RNF144A: variants seen among roughly 807,000 people sequenced by gnomAD.
RNF144A encodes the protein E3 ubiquitin-protein ligase RNF144A.
RNF144A carries 11 observed loss-of-function variants against 38.7 expected under a neutral mutation model. The ratio of observed to expected loss-of-function variants is 0.28; its 90% CI spans 0.18 to 0.47. RNF144A has a LOEUF of 0.47. Ranked by LOEUF, RNF144A falls within the 20% of genes least tolerant of loss-of-function variation. The probability of loss-of-function intolerance (pLI) is 0.99; values close to 1 mark genes in which losing one functional copy is unlikely to be tolerated. For synonymous variants in RNF144A, 149 were observed against 143.9 expected, an observed-to-expected ratio of 1.04 and a Z score of -0.25; for missense variants, 316 against 377.2, an observed-to-expected ratio of 0.84 and a Z score of 1.34.
At chr2:7,068,103 T>C in intron 6 of RNF144A, 1 of 499,964 alleles carries the variant, frequency 2.0e-6, no homozygotes. Flanking sequence ...CTCTTCCCTG[T>C]TGCAAAATCC....
chr2:6,984,307 T>C (rs535928443), intron 2 of RNF144A, among the ~76,000 whole-genome samples: 1 of 145,224 alleles, frequency 6.9e-6, no homozygotes, highest in East Asian at 2.0e-4. Context: ...TTTTCTTTTC[T>C]TTTTTTTTTT....
In RNF144A at chr2:7,041,848, G is replaced by T. The variant is rs930549113; in HGVS notation, c.*2088G>T. ...GAGAGTCAGAGCCTTTGGAAAGGCT[G>T]CATCCCCAGGGCTAGAGCTCAGATG... is the stretch of plus-strand genomic sequence containing the variant. On this transcript the variant is annotated 3_prime_UTR_variant, in exon 9 of 9. Coordinates refer to ENST00000320892, the MANE Select transcript of RNF144A (RefSeq NM_014746.6). 3.0e-6 allele frequency: 3 copies of T among 985,360 alleles called. No homozygotes were observed. The highest frequency in any genetic ancestry group is 1.7e-5 in the African/African-American group (1 of 57,250). The allele number at this position is 985,360 out of a possible 1,614,324, so 61.0% of individuals were successfully genotyped here.
At chr2:7,063,936 C>T (rs1674081805) in intron 6 of RNF144A, among the ~76,000 whole-genome samples, 1 of 152,026 alleles carries the variant, frequency 6.6e-6, no homozygotes, top group Non-Finnish European at 1.5e-5. Context: ...GCTTATGGTT[C>T]CGGGGGCTGG....
intron 6 of RNF144A, among the ~76,000 whole-genome samples, chr2:7,064,448 G>T (rs57420744): frequency 2.0e-5 from 3 of 152,104 alleles, no homozygotes; most frequent in African/African-American, 4.8e-5. Flanking sequence ...TGGAGTGAGG[G>T]GGCTTCAGGA....
intron 2 of RNF144A, among the ~76,000 whole-genome samples, chr2:6,982,283 C>T (rs555626815): frequency 2.0e-5 from 3 of 152,300 alleles, no homozygotes; most frequent in African/African-American, 7.2e-5. Flanking sequence ...TTGCAATGTG[C>T]TGTGTGTCAT....
intron 2 of RNF144A, among the ~76,000 whole-genome samples, chr2:6,969,338 G>A (rs974734988): frequency 2.7e-4 from 41 of 152,190 alleles, no homozygotes; most frequent in African/African-American, 9.4e-4. Flanking sequence ...ACTGGTGTCC[G>A]TATAAGAAGG....
At position 7,020,507 on chromosome 2, in the gene RNF144A, G is replaced by A. The variant is rs755909662; in HGVS notation, c.336G>A (p.Pro112=). ...TTGATCCCTGTCGGACTTGGTGCCCGGCGTCCACCTGCCAAGCTGTGTGTC... is the reference window on the plus strand; with the variant it reads ...TTGATCCCTGTCGGACTTGGTGCCCAGCGTCCACCTGCCAAGCTGTGTGTC... ...VLFDPCRTWC[P]ASTCQAVCQL... Residue 112 remains proline, a synonymous_variant, in exon 6 of 9, where the codon CCG becomes CCA. Coordinates refer to ENST00000320892, the MANE Select transcript of RNF144A (RefSeq NM_014746.6). 13 of 1,613,702 alleles carry A rather than the reference G, an allele frequency of 8.1e-6. No homozygotes were observed. The highest frequency in any genetic ancestry group is 3.3e-5 in the South Asian group (3 of 91,080).
At chr2:7,039,235 G>A (rs1350458990) in intron 8 of RNF144A, among the ~76,000 whole-genome samples, 2 of 151,420 alleles carry the variant, frequency 1.3e-5, no homozygotes, top group Non-Finnish European at 2.9e-5. Flanking sequence ...ATGGGTAGGT[G>A]GATGGATGGA....
At chr2:6,930,078 C>T (rs1227948406) in intron 1 of RNF144A, among the ~76,000 whole-genome samples, 2 of 152,194 alleles carry the variant, frequency 1.3e-5, no homozygotes, top group Non-Finnish European at 2.9e-5. Context: ...AATCCAGCTC[C>T]AAGAGATGAT....
chr2:7,011,155 G>A (rs1234519677), intron 3 of RNF144A, among the ~76,000 whole-genome samples: 1 of 152,102 alleles, frequency 6.6e-6, no homozygotes, highest in East Asian at 1.9e-4. Flanking sequence ...AAATTTTATT[G>A]TATATATTTG....
intron 2 of RNF144A, among the ~76,000 whole-genome samples, chr2:6,992,187 A>T (rs1165529241): frequency 6.6e-6 from 1 of 152,174 alleles, no homozygotes; most frequent in Non-Finnish European, 1.5e-5. Context: ...AATGATACTG[A>T]CCAGTGGTTC....
chr2:7,052,544 C>T lies in RNF144A; in HGVS notation c.735-15672C>T, dbSNP rs550040022. ...CTGAAACAGGGCTCTGTAGAGGCAG[C>T]GAGGGGTCATTATTTTAAGAGAGAA... On this transcript the variant is annotated intron_variant, in intron 6 of 6. Transcript: ENST00000432850. Among the ~76,000 whole-genome samples the T allele has an allele frequency of 9.9e-5, 15 of 152,158 alleles. No individual in the cohort carries two copies. In the South Asian group the frequency reaches 2.1e-3, roughly 21 times the overall value.
chr2:7,044,856 TTTG>T (rs1347839175), downstream of RNF144A, among the ~76,000 whole-genome samples: 1 of 152,218 alleles, frequency 6.6e-6, no homozygotes, highest in East Asian at 1.9e-4. Flanking sequence ...GGGAGTGGAT[TTTG>T]TTAACTGGTG....
chr2:7,030,465 C>G (rs1463537182), intron 8 of RNF144A, among the ~76,000 whole-genome samples: 2 of 152,110 alleles, frequency 1.3e-5, no homozygotes, highest in Admixed American at 6.5e-5. Flanking sequence ...CATTCATTGT[C>G]TGATGGGTCT....
chr2:6,939,132 T>G (rs1490666447), intron 1 of RNF144A, among the ~76,000 whole-genome samples: 2 of 152,236 alleles, frequency 1.3e-5, no homozygotes, highest in Non-Finnish European at 2.9e-5. Flanking sequence ...ATGAGAACTC[T>G]ATGTTCAACA....
chr2:7,051,343 G>C (rs1673515800), intron 6 of RNF144A, among the ~76,000 whole-genome samples: 1 of 152,178 alleles, frequency 6.6e-6, no homozygotes, highest in African/African-American at 2.4e-5. Context: ...CAGGTGGACG[G>C]GGTAGAGCGG....
chr2:7,046,313 G>A (rs1326886659), downstream of RNF144A, among the ~76,000 whole-genome samples: 1 of 152,220 alleles, frequency 6.6e-6, no homozygotes, highest in Non-Finnish European at 1.5e-5. Context: ...AAGTCACCCA[G>A]GATGTGCATT....
At chr2:7,023,739 G>T (rs992697517) in intron 6 of RNF144A, among the ~76,000 whole-genome samples, 5 of 152,150 alleles carry the variant, frequency 3.3e-5, no homozygotes, top group African/African-American at 1.2e-4. Context: ...TTTTCTCATG[G>T]TCACACTGAT....
intron 2 of RNF144A, chr2:6,996,685 C>A: frequency 2.1e-6 from 1 of 482,536 alleles, no homozygotes; most frequent in Non-Finnish European, 3.8e-6. Context: ...ACCCATGAGG[C>A]GGAGGTTGCA....
Sources: allele counts gnomAD v4.1 joint callset (sites outside exome capture counted in the v4.1 genomes callset), GRCh38; gene constraint gnomAD v4.1.1; transcripts MANE v1.5; gene names NCBI Gene and HGNC (gene_info 2026-07-23, HGNC 2026-07-21).